Variants in KAZN observed in about 807,000 individuals in gnomAD.
The protein encoded by KAZN is kazrin, periplakin interacting protein.
Under a neutral mutation model 87.4 loss-of-function variants are expected in KAZN, and 40 were observed. That is an observed-to-expected ratio of 0.46 (90% CI 0.36 to 0.60). The LOEUF is 0.60. Among genes scored for constraint, KAZN ranks in the 20% least tolerant of loss-of-function variants. KAZN has a pLI of 0.00. For synonymous variants in KAZN, 466 were observed against 458.3 expected (o/e 1.02, Z -0.22); for missense variants, 898 against 1,073.9 (o/e 0.84, Z 2.29).
intron 1 of KAZN, among the ~76,000 whole-genome samples, chr1:13,952,416 G>A (rs1641386180): frequency 6.6e-6 from 1 of 151,702 alleles, no homozygotes. Flanking sequence ...TGGGATGATA[G>A]GATGAAACAG....
In KAZN at chr1:14,983,522, G is replaced by GTCCA. The variant is rs542887098; in HGVS notation, c.418+22647_418+22648insTCCA. ...ATGCAAAGTGACGTGACCCCTGTGGGGGGAGCAAAATCACATATGCATTTA... is the reference window on the plus strand; with the variant it reads ...ATGCAAAGTGACGTGACCCCTGTGGGTCCAGGGAGCAAAATCACATATGCATTTA... On this transcript the variant is annotated intron_variant, in intron 2 of 14. Transcript: ENST00000376030. Among the ~76,000 whole-genome samples, 52 of 67,864 alleles carry GTCCA rather than the reference G, an allele frequency of 7.7e-4. 1 individual carries two copies. The South Asian group carries it at 0.027, about 36-fold the overall frequency. 44.5% of individuals were successfully genotyped at this position (67,864 alleles called of 152,430 possible). A position where few individuals can be genotyped will look rare whatever the true frequency, so the allele number is the denominator to read the frequency against.
chr1:14,499,944 C>G (rs145506030), intron 2 of KAZN, among the ~76,000 whole-genome samples: 35 of 152,284 alleles, frequency 2.3e-4, no homozygotes, highest in African/African-American at 8.4e-4. Flanking sequence ...CCACGCTGTT[C>G]AAGGCACCTG....
At chr1:14,408,183 TG>T (rs1418309437) in intron 2 of KAZN, among the ~76,000 whole-genome samples, 3 of 152,224 alleles carry the variant, frequency 2.0e-5, no homozygotes, top group African/African-American at 7.2e-5. Context: ...ACATTTTTGC[TG>T]GGGTCTGGAT....
intron 1 of KAZN, among the ~76,000 whole-genome samples, chr1:14,114,966 C>A (rs1644582739): frequency 6.6e-6 from 1 of 152,242 alleles, no homozygotes; most frequent in East Asian, 1.9e-4. Context: ...TGACCCAGGT[C>A]TATTGTGTAC....
intron 1 of KAZN, among the ~76,000 whole-genome samples, chr1:14,611,582 G>C (rs971866733): frequency 6.6e-6 from 1 of 151,992 alleles, no homozygotes; most frequent in Non-Finnish European, 1.5e-5. Context: ...AGCTACCTGG[G>C]GGGGCTGAGG....
chr1:14,009,876 G>A (rs1640208221), intron 1 of KAZN, among the ~76,000 whole-genome samples: 2 of 152,164 alleles, frequency 1.3e-5, no homozygotes, highest in Middle Eastern at 3.2e-3. Context: ...CACACAGGTG[G>A]GAGGGTGTGT....
At chr1:14,450,894 C>T (rs1330892198) in intron 2 of KAZN, among the ~76,000 whole-genome samples, 1 of 151,484 alleles carries the variant, frequency 6.6e-6, no homozygotes, top group African/African-American at 2.4e-5. Context: ...GATGGTCGTC[C>T]TAGGTTTCTG....
At position 14,384,682 on chromosome 1, in the gene KAZN, G is replaced by A. The variant is rs1194332492; in HGVS notation, c.249+204090G>A. Among the ~76,000 whole-genome samples the A allele has an allele frequency of 2.6e-5, 4 of 151,914 alleles. No individual in the cohort carries two copies. In the East Asian group the frequency reaches 7.8e-4, roughly 29 times the overall value. Reference sequence around the variant, plus strand: ...GGATGAAGCCCACTTGATCATGGTGGATAAGCTTTTTGATGTGCTGCTGGA... The same window carrying A: ...GGATGAAGCCCACTTGATCATGGTGAATAAGCTTTTTGATGTGCTGCTGGA... On this transcript the variant is annotated intron_variant, in intron 2 of 16. Transcript: ENST00000636203.
intron 1 of KAZN, among the ~76,000 whole-genome samples, chr1:14,139,117 C>G (rs1193649679): frequency 6.6e-6 from 1 of 152,194 alleles, no homozygotes; most frequent in Non-Finnish European, 1.5e-5. Flanking sequence ...CCCCTTAATG[C>G]ATTAATTGCT....
At chr1:15,101,097 A>T (rs868768769) in intron 10 of KAZN, among the ~76,000 whole-genome samples, 47 of 147,592 alleles carry the variant, frequency 3.2e-4, no homozygotes, top group African/African-American at 1.1e-3. Context: ...TGAGTGTGGG[A>T]TTCTCTCTTC....
intron 2 of KAZN, among the ~76,000 whole-genome samples, chr1:14,542,500 G>C (rs1384002539): frequency 6.6e-6 from 1 of 152,106 alleles, no homozygotes. Context: ...ATATACTTCA[G>C]ATTTTAAGGA....
chr1:14,571,227 G>T (rs1674845070), intron 2 of KAZN, among the ~76,000 whole-genome samples: 1 of 151,196 alleles, frequency 6.6e-6, no homozygotes, highest in African/African-American at 2.4e-5. Context: ...AATTTTTTCA[G>T]AATGCTTCTG....
chr1:14,995,208 C>T (rs59671798), intron 2 of KAZN, among the ~76,000 whole-genome samples: 1,771 of 152,310 alleles, frequency 0.012, 32 homozygotes, highest in African/African-American at 0.041. Context: ...CAGTGCTGGG[C>T]CCTGGCCATC....
At chr1:15,114,411 T>A (rs1316948985) in intron 14 of KAZN, 60 bp from the exon 15 acceptor site, 1 of 1,411,056 alleles carries the variant, frequency 7.1e-7, no homozygotes, top group African/African-American at 1.4e-5. Flanking sequence ...TTCCCAGACC[T>A]TCATTCTTAA....
chr1:14,236,985 C>A (rs1177982241), intron 2 of KAZN, among the ~76,000 whole-genome samples: 1 of 152,154 alleles, frequency 6.6e-6, no homozygotes, highest in Non-Finnish European at 1.5e-5. Flanking sequence ...ACAAAATCAA[C>A]AATCACATAT....
At chr1:14,504,583 A>C (rs1341725279) in intron 2 of KAZN, among the ~76,000 whole-genome samples, 2 of 152,156 alleles carry the variant, frequency 1.3e-5, no homozygotes, top group Admixed American at 6.5e-5. Context: ...GGGAGATGAG[A>C]GCTATCTGGG....
chr1:14,010,407 T>C (rs1483471073), intron 1 of KAZN, among the ~76,000 whole-genome samples: 1 of 152,194 alleles, frequency 6.6e-6, no homozygotes, highest in Non-Finnish European at 1.5e-5. Context: ...AACGTATCAT[T>C]TTAATTTCTG....
chr1:14,518,003 G>A (rs1238942947), intron 2 of KAZN, among the ~76,000 whole-genome samples: 1 of 152,126 alleles, frequency 6.6e-6, no homozygotes, highest in Non-Finnish European at 1.5e-5. Flanking sequence ...AGTGATGGGT[G>A]TTTTACACTC....
At chr1:14,346,079 T>C (rs1320400843) in intron 2 of KAZN, among the ~76,000 whole-genome samples, 1 of 152,214 alleles carries the variant, frequency 6.6e-6, no homozygotes, top group Admixed American at 6.5e-5. Context: ...ACTAGAAGTT[T>C]CCTGCTGTGC....
Sources: gnomAD v4.1 joint callset for allele counts (sites outside exome capture counted in the v4.1 genomes callset) on GRCh38, gnomAD v4.1.1 for gene constraint, MANE v1.5 for transcripts, NCBI Gene and HGNC (gene_info 2026-07-23, HGNC 2026-07-21) for gene names.